DAB2IP: variants seen among roughly 807,000 people sequenced by gnomAD.
DAB2IP encodes the protein disabled homolog 2-interacting protein.
A neutral mutation model predicts 107.2 loss-of-function variants in DAB2IP; 28 were observed. That is an observed-to-expected ratio of 0.26 (90% confidence interval 0.19 to 0.36). DAB2IP has a LOEUF of 0.36. DAB2IP is among the 10% of genes least tolerant of loss of function. The pLI, the probability that DAB2IP is intolerant of heterozygous loss-of-function variation, is 1.00. For missense variants in DAB2IP, 1,400 were observed against 1,644.7 expected (o/e 0.85, Z 2.57); for synonymous variants, 755 against 706.4 (o/e 1.07, Z -1.09).
intron 1 of DAB2IP, among the ~76,000 whole-genome samples, chr9:121,584,779 G>A (rs536887105): frequency 1.3e-5 from 2 of 152,158 alleles, no homozygotes; most frequent in African/African-American, 4.8e-5. Flanking sequence ...TTTGTGGGAG[G>A]ACAATCACCG....
intron 3 of DAB2IP, among the ~76,000 whole-genome samples, chr9:121,714,836 A>G (rs1230311386): frequency 1.3e-5 from 2 of 152,338 alleles, no homozygotes; most frequent in East Asian, 1.9e-4. Flanking sequence ...CTCCCCGATG[A>G]CAAAAGGAGT....
chr9:121,750,830 G>T (rs1258704124), intron 3 of DAB2IP: 1 of 152,294 alleles, frequency 6.6e-6, no homozygotes, highest in African/African-American at 2.4e-5. Context: ...CAGCTTGTGG[G>T]TTGGCTGGAA....
intron 2 of DAB2IP, among the ~76,000 whole-genome samples, chr9:121,693,538 C>T (rs1829267216): frequency 6.6e-6 from 1 of 152,234 alleles, no homozygotes; most frequent in Non-Finnish European, 1.5e-5. Context: ...TCTCCCTTCT[C>T]CAAGGCTCTC....
At chr9:121,758,220 C>G (rs1833632026) in intron 4 of DAB2IP, among the ~76,000 whole-genome samples, 1 of 152,146 alleles carries the variant, frequency 6.6e-6, no homozygotes, top group African/African-American at 2.4e-5. Flanking sequence ...CAGGAATTGC[C>G]CGGACTGGCT....
rs767688313 is a variant in DAB2IP, at chr9:121,760,075, G to T, written c.806G>T (p.Arg269Leu). ...GAGTTCCACAACTTGCCGCCTCTGCGCACGGTCACTGTCCACCTGTACCGG... is the reference window on the plus strand; with the variant it reads ...GAGTTCCACAACTTGCCGCCTCTGCTCACGGTCACTGTCCACCTGTACCGG... The change falls in exon 6 of 16, where the codon CGC (arginine) becomes CTC (leucine). Residue 269 changes from arginine to leucine, a missense_variant. Arg to Leu is a moderately radical substitution (Grantham distance 102, BLOSUM62 -2). Transcript: ENST00000408936. This position sits in a 1 kb window ranked among gnomAD's most constrained non-coding sequence, Gnocchi z 5.9. 2 of 1,613,900 alleles carry T rather than the reference G, an allele frequency of 1.2e-6. No homozygotes were observed. Among genetic ancestry groups the T allele is most frequent in the Non-Finnish European group, 8.5e-7 (1 of 1,180,040 alleles).
chr9:121,655,706 C>G (rs1420159404), intron 1 of DAB2IP, among the ~76,000 whole-genome samples: 1 of 152,158 alleles, frequency 6.6e-6, no homozygotes, highest in Non-Finnish European at 1.5e-5. Context: ...TCTCCTGCCT[C>G]TTGGAATGCC....
chr9:121,690,990 G>A (rs1204953526), intron 2 of DAB2IP, among the ~76,000 whole-genome samples: 1 of 152,190 alleles, frequency 6.6e-6, no homozygotes, highest in Non-Finnish European at 1.5e-5. Context: ...ATCTCAGCAA[G>A]CCCACCTGCT....
At chr9:121,744,003 G>A (rs996455216) in intron 3 of DAB2IP, among the ~76,000 whole-genome samples, 1 of 152,244 alleles carries the variant, frequency 6.6e-6, no homozygotes, top group African/African-American at 2.4e-5. Context: ...GAAGCCCAGT[G>A]TGAGTTGCTC....
At chr9:121,771,333 C>G (rs75389670) in intron 11 of DAB2IP, among the ~76,000 whole-genome samples, 6,105 of 152,276 alleles carry the variant, frequency 0.04, 241 homozygotes, top group African/African-American at 0.092. Flanking sequence ...TGAAGCATTT[C>G]TGCTCTACCC....
chr9:121,604,476 G>T (rs773022949), intron 1 of DAB2IP, among the ~76,000 whole-genome samples: 9 of 152,144 alleles, frequency 5.9e-5, no homozygotes, highest in Non-Finnish European at 1.2e-4. Context: ...TCCCTGGCCT[G>T]GCAAACACGG....
chr9:121,671,831 G>A (rs572210543), intron 1 of DAB2IP, among the ~76,000 whole-genome samples: 3 of 152,230 alleles, frequency 2.0e-5, no homozygotes, highest in South Asian at 4.2e-4. Flanking sequence ...TCCCCTATTG[G>A]TGGACATTTA....
rs2119017559 is a variant in DAB2IP at position 121,774,249 on chromosome 9, T to C, written c.2968-11T>C. On this transcript the variant is annotated splice_polypyrimidine_tract_variant and intron_variant, in intron 12 of 15. Coordinates refer to ENST00000408936, the Ensembl canonical transcript of DAB2IP. ...CTCCCTGCAGCCCCTCACAGCTGTG[T>C]TTCATTGTAGGGCCCTTCACCTGTG... is the stretch of plus-strand genomic sequence containing the variant. 6.2e-7 allele frequency: 1 copy of C among 1,601,992 alleles called. No homozygotes were observed. The highest frequency in any genetic ancestry group is 2.3e-5 in the East Asian group (1 of 44,004).
chr9:121,748,836 C>G (rs1034354758), intron 3 of DAB2IP, among the ~76,000 whole-genome samples: 1 of 152,166 alleles, frequency 6.6e-6, no homozygotes, highest in African/African-American at 2.4e-5. Flanking sequence ...CCAGCTCAGC[C>G]CTGTGATGTG....
chr9:121,767,314 T>C (rs1305158146), intron 9 of DAB2IP, among the ~76,000 whole-genome samples: 1 of 152,238 alleles, frequency 6.6e-6, no homozygotes, highest in Non-Finnish European at 1.5e-5. Context: ...TGTGCTGGGC[T>C]CTGACGGCAC....
chr9:121,740,329 G>A (rs1466403403), intron 3 of DAB2IP, among the ~76,000 whole-genome samples: 1 of 152,112 alleles, frequency 6.6e-6, no homozygotes, highest in Non-Finnish European at 1.5e-5. Context: ...TGCTCACTGT[G>A]CCCTGTCACG....
At chr9:121,775,984 G>GT (rs1835171600) in intron 13 of DAB2IP, among the ~76,000 whole-genome samples, 1 of 152,228 alleles carries the variant, frequency 6.6e-6, no homozygotes, top group Non-Finnish European at 1.5e-5. Flanking sequence ...GGAGTTTGGA[G>GT]TGGAGGCCCC....
At chr9:121,759,802 G>A (rs764629588) in intron 5 of DAB2IP, 83 bp from the exon 6 acceptor site, 183 of 1,316,034 alleles carry the variant, frequency 1.4e-4, no homozygotes, top group Non-Finnish European at 1.9e-4. Context: ...TCCTGGGTCT[G>A]AGGACTCTCT....
At position 121,740,004 on chromosome 9, in the gene DAB2IP, A is replaced by C. The variant is rs76085179; in HGVS notation, c.363-17009A>C. ...ACAGAAACTGGTTGACTTTGGCAAC[A>C]TGAAGGCCTTTGGTGTCCTCAAGGA... On this transcript the variant is annotated intron_variant, in intron 3 of 15. Transcript: ENST00000408936. 9.7e-3 allele frequency among the ~76,000 whole-genome samples: 1,473 copies of C among 152,292 alleles called. 22 individuals are homozygous for C. The highest frequency in any genetic ancestry group is 0.033 in the African/African-American group (1,379 of 41,556).
intron 3 of DAB2IP, among the ~76,000 whole-genome samples, chr9:121,706,666 T>C (rs1369165618): frequency 6.6e-6 from 1 of 152,098 alleles, no homozygotes; most frequent in Non-Finnish European, 1.5e-5. Context: ...TCGCAGGAGA[T>C]TTTAGTGATG....
Sources: gnomAD v4.1 joint callset for allele counts (sites outside exome capture counted in the v4.1 genomes callset) on GRCh38, gnomAD v4.1.1 for gene constraint, Gnocchi (gnomAD v3.1) non-coding constraint, MANE v1.5 for transcripts, NCBI Gene and HGNC (gene_info 2026-07-23, HGNC 2026-07-21) for gene names.